ANK3: variants seen among roughly 807,000 people sequenced by gnomAD.
ANK3 encodes ankyrin-3.
Under a neutral mutation model 370.9 loss-of-function variants are expected in ANK3, and 57 were observed. That is an observed-to-expected ratio of 0.15 (90% CI 0.12 to 0.19). The LOEUF is 0.19. ANK3 is among the 10% of genes least tolerant of loss of function. The pLI is 1.00. For synonymous variants in ANK3, 1,929 were observed against 1,946.3 expected, an observed-to-expected ratio of 0.99 and a Z score of 0.23; for missense variants, 4,439 against 5,302.1, an observed-to-expected ratio of 0.84 and a Z score of 5.06.
At chr10:60,180,906 T>G (rs937643067) in intron 18 of ANK3, among the ~76,000 whole-genome samples, 19 of 152,188 alleles carry the variant, frequency 1.2e-4, no homozygotes, top group African/African-American at 4.6e-4. Context: ...GAGTAATATT[T>G]AAATAAGCCT....
At chr10:60,380,119 G>A (rs1379344063) in intron 1 of ANK3, among the ~76,000 whole-genome samples, 1 of 152,066 alleles carries the variant, frequency 6.6e-6, no homozygotes, top group East Asian at 1.9e-4. Flanking sequence ...TTATAGTACT[G>A]TTAAGGTAGA....
chr10:60,247,768 C>T (rs895448084), intron 7 of ANK3, among the ~76,000 whole-genome samples: 5 of 152,138 alleles, frequency 3.3e-5, no homozygotes, highest in South Asian at 4.1e-4. Context: ...CCCGAGTCCA[C>T]GTGATTCTCC....
intron 25 of ANK3, among the ~76,000 whole-genome samples, chr10:60,126,532 A>G (rs1052770503): frequency 1.3e-4 from 20 of 151,904 alleles, no homozygotes; most frequent in African/African-American, 4.4e-4. Context: ...CTAAAAATAC[A>G]AAAAAATTAG....
At chr10:60,421,884 G>A (rs2063786168) in intron 2 of ANK3, among the ~76,000 whole-genome samples, 1 of 152,222 alleles carries the variant, frequency 6.6e-6, no homozygotes, top group African/African-American at 2.4e-5. Context: ...TTAATTAGGG[G>A]ATACTCTGGT....
At position 60,693,232 on chromosome 10, in the gene ANK3, C is replaced by T. The variant is rs375684705; in HGVS notation, c.57+40031G>A. On this transcript the variant is annotated intron_variant, in intron 1 of 43. Coordinates refer to the ANK3 transcript ENST00000373827. ...AACAGCTCACCAGGAGATTATATCCCGCACCTGGCTCGCAGGGTCCTAAGC... is the reference window on the plus strand; with the variant it reads ...AACAGCTCACCAGGAGATTATATCCTGCACCTGGCTCGCAGGGTCCTAAGC... Among the ~76,000 whole-genome samples the T allele has an allele frequency of 2.9e-3, 439 of 152,342 alleles. 1 individual carries two copies. Among genetic ancestry groups the T allele is most frequent in the African/African-American group, 0.01 (419 of 41,576 alleles).
chr10:60,160,952 T>C (rs1160238191), intron 23 of ANK3, among the ~76,000 whole-genome samples: 1 of 152,146 alleles, frequency 6.6e-6, no homozygotes, highest in Non-Finnish European at 1.5e-5. Flanking sequence ...GGGGAAAAAC[T>C]GAAAGCCTTT....
rs921543444 is a variant in ANK3, at chr10:60,041,843, T to C, written c.*19+829A>G. On this transcript the variant is annotated intron_variant, in intron 43 of 43. Coordinates refer to ENST00000280772, the MANE Select transcript of ANK3 (RefSeq NM_020987.5). ...TTCCCAGTTCCTTCCCTCAGCACTC[T>C]GCATACCAGTATTCTGGCAAGCAGG... 7.2e-5 allele frequency among the ~76,000 whole-genome samples: 11 copies of C among 152,240 alleles called. No homozygotes were observed. The South Asian group carries it at 1.9e-3, about 26-fold the overall frequency.
intron 1 of ANK3, among the ~76,000 whole-genome samples, chr10:60,688,724 G>A (rs568940558): frequency 1.7e-4 from 26 of 152,068 alleles, no homozygotes; most frequent in Non-Finnish European, 2.6e-4. Context: ...CGAGGCGGGC[G>A]GATCACGAGG....
intron 1 of ANK3, among the ~76,000 whole-genome samples, chr10:60,332,066 C>T (rs184454658): frequency 4.5e-4 from 68 of 151,762 alleles, no homozygotes; most frequent in African/African-American, 1.5e-3. Flanking sequence ...CTTTTTGTCG[C>T]GGTTTAAGCC....
rs75554566 is a variant in ANK3 at position 60,452,048 on chromosome 10, A to G, written c.96+163138T>C. ...CTGAAGTACTTCACCTTCTGGGGGG[A>G]ATAAAATGGAATAATATGTTTCTGT... On this transcript the variant is annotated intron_variant, in intron 2 of 43. Coordinates refer to the ANK3 transcript ENST00000373827. Among the ~76,000 whole-genome samples the G allele has an allele frequency of 8.1e-3, 1,228 of 152,240 alleles. 17 individuals are homozygous for G. The highest frequency in any genetic ancestry group is 0.028 in the African/African-American group (1,154 of 41,536).
At chr10:60,591,537 T>A (rs977828346) in intron 2 of ANK3, among the ~76,000 whole-genome samples, 2 of 151,928 alleles carry the variant, frequency 1.3e-5, no homozygotes, top group Non-Finnish European at 2.9e-5. Context: ...AAACTAAAAA[T>A]TGAACTACCA....
chr10:60,661,157 G>GT (rs1564508504), intron 1 of ANK3, among the ~76,000 whole-genome samples: 54 of 149,714 alleles, frequency 3.6e-4, no homozygotes, highest in African/African-American at 1.3e-3. Context: ...GAAGTGTTTT[G>GT]GTTTTTTTTT....
chr10:60,587,535 G>A (rs917174503), intron 2 of ANK3, among the ~76,000 whole-genome samples: 5 of 152,138 alleles, frequency 3.3e-5, no homozygotes, highest in African/African-American at 1.2e-4. Context: ...TGGCACTACA[G>A]AAAGCAAGGA....
chr10:60,177,454 C>G (rs9783145), intron 18 of ANK3, among the ~76,000 whole-genome samples: 76,531 of 151,878 alleles, frequency 0.5, 20,758 homozygotes, highest in East Asian at 0.63. Context: ...TCCTCTTTCC[C>G]CAGCTGGCTT....
At chr10:60,684,169 G>A (rs547867346) in intron 1 of ANK3, among the ~76,000 whole-genome samples, 3 of 152,216 alleles carry the variant, frequency 2.0e-5, no homozygotes, top group Non-Finnish European at 2.9e-5. Context: ...ATCTTGGAAG[G>A]GAGGGAGAAG....
chr10:60,533,086 G>T (rs1327753288), intron 2 of ANK3, among the ~76,000 whole-genome samples: 2 of 152,156 alleles, frequency 1.3e-5, no homozygotes, highest in African/African-American at 2.4e-5. Flanking sequence ...GACTCTAAAG[G>T]TTTGAGAAGT....
intron 1 of ANK3, among the ~76,000 whole-genome samples, chr10:60,658,675 A>C (rs2078897946): frequency 6.6e-6 from 1 of 151,994 alleles, no homozygotes; most frequent in South Asian, 2.1e-4. Flanking sequence ...CTTCTACCTA[A>C]ATTTTTTCTC....
chr10:60,617,269 G>A (rs903846246), intron 1 of ANK3, among the ~76,000 whole-genome samples: 4 of 151,736 alleles, frequency 2.6e-5, no homozygotes, highest in African/African-American at 7.2e-5. Context: ...AGCTACTTAT[G>A]CTTGTCCTCC....
chr10:60,304,137 A>T (rs2044440100), intron 1 of ANK3, among the ~76,000 whole-genome samples: 2 of 152,148 alleles, frequency 1.3e-5, no homozygotes, highest in Non-Finnish European at 2.9e-5. Context: ...AGGGGTACAA[A>T]GTTTCAGTTA....
Sources: allele counts gnomAD v4.1 joint callset (sites outside exome capture counted in the v4.1 genomes callset), GRCh38; gene constraint gnomAD v4.1.1; transcripts MANE v1.5; gene names NCBI Gene and HGNC (gene_info 2026-07-23, HGNC 2026-07-21).